The following CLDN10 variants were observed in gnomAD, a reference collection of about 807,000 sequenced individuals.
CLDN10 encodes claudin 10.
Under a neutral mutation model 22.9 loss-of-function variants are expected in CLDN10, and 15 were observed. The ratio of observed to expected loss-of-function variants is 0.65; its 90% CI spans 0.44 to 1.01. The LOEUF is 1.01. Among genes scored for constraint, CLDN10 ranks in the 50% least tolerant of loss-of-function variants. The pLI is 0.00. For missense variants in CLDN10, 247 were observed against 287.8 expected (o/e 0.86, Z 1.03); for synonymous variants, 114 against 111.4 (o/e 1.02, Z -0.15).
chr13:95,561,061 GT>G (rs1487700251), intron 3 of CLDN10: 1 of 152,254 alleles, frequency 6.6e-6, no homozygotes, highest in East Asian at 1.9e-4. Context: ...TGTTGGTGTT[GT>G]TTTTAAACTA....
intron 1 of CLDN10, among the ~76,000 whole-genome samples, chr13:95,532,792 CAAAAAAAAAA>C (rs57500288): frequency 9.7e-5 from 6 of 62,022 alleles, no homozygotes; most frequent in Non-Finnish European, 1.7e-4. Context: ...CTCAATTCAG[CAAAAAAAAAA>C]AAAAAAAAAA....
chr13:95,457,123 T>C (rs1455577378), intron 1 of CLDN10, among the ~76,000 whole-genome samples: 1 of 152,234 alleles, frequency 6.6e-6, no homozygotes. Flanking sequence ...ACCCATCTTC[T>C]GGTCACCTCT....
intron 3 of CLDN10, among the ~76,000 whole-genome samples, chr13:95,571,751 A>G (rs2043865052): frequency 6.6e-6 from 1 of 152,236 alleles, no homozygotes; most frequent in South Asian, 2.1e-4. Flanking sequence ...CACTGAAGAA[A>G]AAGTTTTATG....
At position 95,510,393 on chromosome 13, in the gene CLDN10, C is replaced by A. The variant is rs538606532; in HGVS notation, c.215-49739C>A. Among the ~76,000 whole-genome samples the A allele has an allele frequency of 2.0e-5, 3 of 152,342 alleles. No individual in the cohort carries two copies. In the South Asian group the frequency reaches 6.2e-4, roughly 32 times the overall value. The stretch of plus-strand genomic sequence containing the variant: ...GAGCACACTTTAAAGTTTATGAATT[C>A]ATTCCTTCCTTTGCCATTTCCAGAA... On this transcript the variant is annotated intron_variant, in intron 1 of 4. Transcript: ENST00000376873.
intron 1 of CLDN10, chr13:95,479,755 C>G (rs1263058742): frequency 6.6e-6 from 1 of 152,200 alleles, no homozygotes; most frequent in Non-Finnish European, 1.5e-5. Flanking sequence ...ATCAAGGTCA[C>G]ATAGCCAGTG....
intron 1 of CLDN10, among the ~76,000 whole-genome samples, chr13:95,557,724 G>A (rs2138653296): frequency 6.6e-6 from 1 of 152,290 alleles, no homozygotes; most frequent in South Asian, 2.1e-4. Flanking sequence ...CTTGTGTCAA[G>A]AGACCAAAGT....
intron 1 of CLDN10, among the ~76,000 whole-genome samples, chr13:95,465,572 G>A (rs925437177): frequency 3.9e-5 from 6 of 152,106 alleles, no homozygotes; most frequent in Non-Finnish European, 8.8e-5. Context: ...AATACTCACT[G>A]GCCACCTGGC....
intron 1 of CLDN10, among the ~76,000 whole-genome samples, chr13:95,440,641 A>G (rs2042315874): frequency 6.6e-6 from 1 of 152,230 alleles, no homozygotes; most frequent in South Asian, 2.1e-4. Flanking sequence ...GCACAGCTGC[A>G]TTCCAGCCTG....
intron 1 of CLDN10, among the ~76,000 whole-genome samples, chr13:95,526,439 C>T (rs902645613): frequency 6.6e-6 from 1 of 152,140 alleles, no homozygotes; most frequent in Non-Finnish European, 1.5e-5. Flanking sequence ...ACTAGGGAAA[C>T]TTCAATGTCA....
In CLDN10 at chr13:95,472,664, C is replaced by T. The variant is rs1485528698; in HGVS notation, c.214+38617C>T. Among the ~76,000 whole-genome samples the T allele has an allele frequency of 6.0e-5, 8 of 133,356 alleles. 1 individual carries two copies. Among genetic ancestry groups the T allele is most frequent in the East Asian group, 2.1e-4 (1 of 4,776 alleles). 87.5% of individuals were successfully genotyped at this position (133,356 alleles called of 152,430 possible). ...CAGCCTGGGCAACAGAGCGAGACTCCGTCTCAAAAAAAAAAAAAAAAATAG... is the reference window on the plus strand; with the variant it reads ...CAGCCTGGGCAACAGAGCGAGACTCTGTCTCAAAAAAAAAAAAAAAAATAG... On this transcript the variant is annotated intron_variant, in intron 1 of 4. Coordinates refer to the CLDN10 transcript ENST00000376873.
chr13:95,529,098 A>G (rs1033237857), intron 1 of CLDN10, among the ~76,000 whole-genome samples: 1 of 151,800 alleles, frequency 6.6e-6, no homozygotes, highest in Non-Finnish European at 1.5e-5. Context: ...ATTGCTGCCC[A>G]TGTCTAGTAT....
chr13:95,513,136 T>C (rs2043122891), intron 1 of CLDN10, among the ~76,000 whole-genome samples: 1 of 152,178 alleles, frequency 6.6e-6, no homozygotes, highest in Non-Finnish European at 1.5e-5. Context: ...CACTTCTGCC[T>C]CACAAAGTGC....
At chr13:95,456,505 C>G (rs756580968) in intron 1 of CLDN10, among the ~76,000 whole-genome samples, 23 of 152,122 alleles carry the variant, frequency 1.5e-4, no homozygotes, top group Non-Finnish European at 2.6e-4. Flanking sequence ...GTAATCTCAG[C>G]ACTTTGAGAG....
At chr13:95,458,179 A>T (rs1252617365) in intron 1 of CLDN10, among the ~76,000 whole-genome samples, 1 of 152,238 alleles carries the variant, frequency 6.6e-6, no homozygotes, top group Non-Finnish European at 1.5e-5. Flanking sequence ...GTGGTTGTGT[A>T]GACCTCTGAT....
At chr13:95,474,294 A>G (rs945086522) in intron 1 of CLDN10, among the ~76,000 whole-genome samples, 2 of 152,168 alleles carry the variant, frequency 1.3e-5, no homozygotes, top group African/African-American at 4.8e-5. Context: ...TCGTGCTCCT[A>G]TGAGAATCTA....
intron 1 of CLDN10, among the ~76,000 whole-genome samples, chr13:95,522,388 T>C (rs1203765462): frequency 1.3e-5 from 2 of 152,206 alleles, no homozygotes; most frequent in South Asian, 2.1e-4. Context: ...CTGATTTTTA[T>C]AACTTTTCAA....
At chr13:95,503,695 T>C (rs1027853766) in intron 1 of CLDN10, among the ~76,000 whole-genome samples, 1 of 152,220 alleles carries the variant, frequency 6.6e-6, no homozygotes, top group African/African-American at 2.4e-5. Flanking sequence ...AGCTACAGCA[T>C]ACATGAATCT....
At position 95,454,523 on chromosome 13, in the gene CLDN10, G is replaced by T. The variant is rs188731045; in HGVS notation, c.214+20476G>T. Among the ~76,000 whole-genome samples, 20 of 152,264 alleles carry T rather than the reference G, an allele frequency of 1.3e-4. 1 individual carries two copies. The highest frequency in any genetic ancestry group is 6.2e-4 in the South Asian group (3 of 4,818). On this transcript the variant is annotated intron_variant, in intron 1 of 4. Coordinates refer to the CLDN10 transcript ENST00000376873. ...TGCTGAGACAGAACCACTGGTGCAG[G>T]CTCCCCTCCCCTCTCTCCCCACCCT...
At chr13:95,495,755 AAAAG>A (rs1290702250) in intron 1 of CLDN10, among the ~76,000 whole-genome samples, 11 of 150,562 alleles carry the variant, frequency 7.3e-5, no homozygotes, top group South Asian at 2.1e-4. Context: ...AAAAAAAAAA[AAAAG>A]AAAAGAAAGA....
Sources: gnomAD v4.1 joint callset for allele counts (sites outside exome capture counted in the v4.1 genomes callset) on GRCh38, gnomAD v4.1.1 for gene constraint, MANE v1.5 for transcripts, NCBI Gene and HGNC (gene_info 2026-07-23, HGNC 2026-07-21) for gene names.